TOM1: variants seen among roughly 807,000 people sequenced by gnomAD.
TOM1 encodes the protein target of myb1 membrane trafficking protein.
TOM1 carries 38 observed loss-of-function variants against 61.3 expected under a neutral mutation model. That is an observed-to-expected ratio of 0.62 (90% CI 0.48 to 0.81). The LOEUF (loss-of-function observed/expected upper bound fraction) is 0.81, where lower values mean the gene tolerates loss of function less well. Among genes scored for constraint, TOM1 ranks in the 40% least tolerant of loss-of-function variants. The pLI, the probability that TOM1 is intolerant of heterozygous loss-of-function variation, is 0.00. For missense variants in TOM1, 591 were observed against 659.6 expected (o/e 0.90, Z 1.14); for synonymous variants, 270 against 268.8 (o/e 1.00, Z -0.04).
In TOM1 at chr22:35,327,291, G is replaced by C; in HGVS notation, c.669G>C (p.Glu223Asp). ...TTCAGATTGGGAAGCTGCGCAGTGA[G>C]CTGGAGATGGTGAGTGGGAACGTGA... ...TPEQIGKLRS[E>D]LEMVSGNVRV... Residue 223 changes from glutamate to aspartate, a missense_variant, in exon 7 of 15, where the codon GAG (glutamate) becomes GAC (aspartate). Transcript: ENST00000449058. The C allele has an allele frequency of 6.2e-7, 1 of 1,614,096 alleles. No individual in the cohort carries two copies. The highest frequency in any genetic ancestry group is 8.5e-7 in the Non-Finnish European group (1 of 1,179,988).
Position 35,299,921 on chromosome 22 carries a change from T to C in TOM1, c.-8T>C, listed in dbSNP as rs1212981345. On this transcript the variant is annotated 5_prime_UTR_variant, in exon 1 of 15. Transcript: ENST00000449058. ...TTCCCGGGGTTGGTGGCAGCGGCGG[T>C]AGCAGCAATGGACTTTCTCCTGGGG... The C allele has an allele frequency of 1.3e-6, 2 of 1,578,468 alleles. No individual in the cohort carries two copies. Among genetic ancestry groups the C allele is most frequent in the Non-Finnish European group, 1.7e-6 (2 of 1,160,582 alleles).
At chr22:35,330,527 C>A in intron 8 of TOM1, 47 bp downstream of exon 8, 2 of 1,539,810 alleles carry the variant, frequency 1.3e-6, no homozygotes, top group Non-Finnish European at 1.8e-6. Flanking sequence ...CCCCAACCCT[C>A]TCCCTTCCCT....
chr22:35,331,536 A>C, intron 8 of TOM1: 1 of 323,454 alleles, frequency 3.1e-6, no homozygotes, highest in Non-Finnish European at 6.1e-6. Context: ...CACCGGGATG[A>C]TGTGAAATGG....
intron 1 of TOM1, among the ~76,000 whole-genome samples, chr22:35,309,860 A>T (rs1373281444): frequency 6.6e-6 from 1 of 152,094 alleles, no homozygotes; most frequent in Non-Finnish European, 1.5e-5. Flanking sequence ...GTTACCAAGA[A>T]AGCAAAACCT....
intron 13 of TOM1, among the ~76,000 whole-genome samples, chr22:35,346,638 T>C (rs571745443): frequency 6.6e-6 from 1 of 152,258 alleles, no homozygotes; most frequent in South Asian, 2.1e-4. Context: ...CTGTGTGTTA[T>C]CCCATTTCAG....
At chr22:35,322,099 C>A in intron 3 of TOM1, 62 bp downstream of exon 3, 2 of 1,482,714 alleles carry the variant, frequency 1.3e-6, no homozygotes, top group Non-Finnish European at 1.9e-6. Context: ...CACCTCCCCT[C>A]AGACCCAGCA....
intron 2 of TOM1, among the ~76,000 whole-genome samples, chr22:35,318,900 G>T (rs1043230527): frequency 2.0e-5 from 3 of 152,218 alleles, no homozygotes; most frequent in African/African-American, 7.2e-5. Context: ...TCTCAGCCCG[G>T]GAGGGCTTTG....
At chr22:35,307,594 G>A (rs565841553) in intron 1 of TOM1, among the ~76,000 whole-genome samples, 2 of 152,336 alleles carry the variant, frequency 1.3e-5, no homozygotes, top group South Asian at 4.1e-4. Context: ...AGTTGATAGA[G>A]CACTGCAAAG....
At position 35,330,357 on chromosome 22, in the gene TOM1, G is replaced by A. The variant is rs764602499; in HGVS notation, c.776G>A (p.Arg259His). ...ADLELLQELNRTCRAMQQRVL... is the reference protein window; with the variant it reads ...ADLELLQELNHTCRAMQQRVL... ...TTCCTTTCCTGGCAGGAGCTCAACC[G>A]CACGTGCCGAGCCATGCAGCAGCGG... is the stretch of plus-strand genomic sequence containing the variant. The change falls in exon 8 of 15, where the codon CGC (arginine) becomes CAC (histidine). Residue 259 changes from arginine to histidine, a missense_variant. By Grantham distance (29) the Arg-to-His change is conservative (BLOSUM62 0). Transcript: ENST00000449058. 4.3e-6 allele frequency: 7 copies of A among 1,611,128 alleles called. No individual in the cohort carries two copies. Among genetic ancestry groups the A allele is most frequent in the African/African-American group, 1.3e-5 (1 of 74,742 alleles).
intron 1 of TOM1, among the ~76,000 whole-genome samples, chr22:35,313,210 G>A (rs924984261): frequency 6.6e-6 from 1 of 152,102 alleles, no homozygotes; most frequent in African/African-American, 2.4e-5. Flanking sequence ...AGCCAGGTGT[G>A]TTGGCAGGTA....
At chr22:35,322,103 C>T (rs909151894) in intron 3 of TOM1, 66 bp downstream of exon 3, 16 of 1,432,190 alleles carry the variant, frequency 1.1e-5, no homozygotes, top group Admixed American at 1.7e-5. Flanking sequence ...TCCCCTCAGA[C>T]CCAGCAGGAC....
At chr22:35,299,710 A>T, upstream of TOM1, 1 of 585,542 alleles carries the variant, frequency 1.7e-6, no homozygotes, top group Non-Finnish European at 3.0e-6. Flanking sequence ...ATCGTGTGTG[A>T]CGCCCGCCGC....
chr22:35,314,103 C>G (rs1927074456), intron 1 of TOM1, among the ~76,000 whole-genome samples: 1 of 152,202 alleles, frequency 6.6e-6, no homozygotes, highest in Non-Finnish European at 1.5e-5. Flanking sequence ...ATATGCCTAC[C>G]CTGTGGGCAT....
chr22:35,305,446 G>A (rs1926240705), intron 1 of TOM1, among the ~76,000 whole-genome samples: 1 of 152,156 alleles, frequency 6.6e-6, no homozygotes, highest in Non-Finnish European at 1.5e-5. Flanking sequence ...TGGATCACGA[G>A]GTCAAGAAAT....
chr22:35,317,707 A>G (rs542872506), intron 1 of TOM1, among the ~76,000 whole-genome samples, 170 bp from the exon 2 acceptor site: 1 of 151,908 alleles, frequency 6.6e-6, no homozygotes, highest in Non-Finnish European at 1.5e-5. Flanking sequence ...CGATGGGACA[A>G]TGTGTATAGA....
intron 12 of TOM1, among the ~76,000 whole-genome samples, chr22:35,343,453 TAC>T (rs145658731): frequency 1.3e-3 from 115 of 86,652 alleles, no homozygotes; most frequent in South Asian, 3.4e-3. Context: ...CACACACACC[TAC>T]ACACACACAT....
chr22:35,323,250 T>G lies in TOM1; in HGVS notation c.366+73T>G, dbSNP rs1441741844. On this transcript the variant is annotated intron_variant, in intron 4 of 14. Coordinates refer to ENST00000449058, the MANE Select transcript of TOM1 (RefSeq NM_005488.3). This position sits in a 1 kb window ranked among gnomAD's most constrained non-coding sequence, Gnocchi z 4.2. ...CAGGAGCTTCCTGCCCAGTGGAGAGTCGAGGCCATCGTGTTTGTCCCAGGC... is the reference window on the plus strand; with the variant it reads ...CAGGAGCTTCCTGCCCAGTGGAGAGGCGAGGCCATCGTGTTTGTCCCAGGC... 6.4e-7 allele frequency: 1 copy of G among 1,557,836 alleles called. No individual in the cohort carries two copies. Among genetic ancestry groups the G allele is most frequent in the Non-Finnish European group, 8.7e-7 (1 of 1,154,234 alleles).
At chr22:35,329,188 T>C (rs1928602920) in intron 7 of TOM1, among the ~76,000 whole-genome samples, 1 of 152,172 alleles carries the variant, frequency 6.6e-6, no homozygotes, top group Non-Finnish European at 1.5e-5. Context: ...ACTCCTGACC[T>C]CAGGTGATCC....
chr22:35,327,998 G>A (rs1928489298), intron 7 of TOM1, among the ~76,000 whole-genome samples: 1 of 152,192 alleles, frequency 6.6e-6, no homozygotes, highest in African/African-American at 2.4e-5. Context: ...GAGGCACCAA[G>A]AGAGCTAGGA....
Sources: gnomAD v4.1 joint callset for allele counts (sites outside exome capture counted in the v4.1 genomes callset) on GRCh38, gnomAD v4.1.1 for gene constraint, Gnocchi (gnomAD v3.1) non-coding constraint, MANE v1.5 for transcripts, NCBI Gene and HGNC (gene_info 2026-07-23, HGNC 2026-07-21) for gene names.